Variants in TRAPPC9 observed in about 807,000 individuals in gnomAD.
TRAPPC9 encodes trafficking protein particle complex subunit 9.
A neutral mutation model predicts 124.0 loss-of-function variants in TRAPPC9; 83 were observed. That is an observed-to-expected ratio of 0.67 (90% CI 0.56 to 0.80). TRAPPC9 has a LOEUF of 0.80. TRAPPC9 is among the 30% of genes least tolerant of loss of function. The pLI is 0.00. For missense variants in TRAPPC9, 1,302 were observed against 1,508.3 expected (o/e 0.86, Z 2.27); for synonymous variants, 638 against 617.5 (o/e 1.03, Z -0.49).
intron 21 of TRAPPC9, among the ~76,000 whole-genome samples, chr8:139,741,283 T>C (rs1283821751): frequency 6.6e-6 from 1 of 152,186 alleles, no homozygotes; most frequent in Non-Finnish European, 1.5e-5. Flanking sequence ...CTCGCTGTCT[T>C]CCAGGCCCAG....
intron 19 of TRAPPC9, among the ~76,000 whole-genome samples, chr8:139,924,854 C>T (rs1487928552): frequency 6.6e-6 from 1 of 152,228 alleles, no homozygotes; most frequent in Non-Finnish European, 1.5e-5. Flanking sequence ...AGGCCTAGAA[C>T]TCAAGGGCTC....
intron 17 of TRAPPC9, among the ~76,000 whole-genome samples, chr8:140,057,808 G>A (rs1842374080): frequency 6.6e-6 from 1 of 152,154 alleles, no homozygotes; most frequent in Non-Finnish European, 1.5e-5. Flanking sequence ...AAAAAAATTT[G>A]TTAAAAACCA....
intron 10 of TRAPPC9, among the ~76,000 whole-genome samples, chr8:140,310,296 G>A (rs1037618211): frequency 6.6e-6 from 1 of 152,128 alleles, no homozygotes; most frequent in Admixed American, 6.5e-5. Context: ...GAGTCAAAGC[G>A]AGTACATGGC....
intron 9 of TRAPPC9, among the ~76,000 whole-genome samples, chr8:140,338,322 C>A (rs1024614742): frequency 6.6e-6 from 1 of 152,198 alleles, no homozygotes; most frequent in East Asian, 1.9e-4. Flanking sequence ...CATATGTGTC[C>A]GCTCCATTAC....
chr8:139,764,210 G>A (rs779705201), intron 21 of TRAPPC9, among the ~76,000 whole-genome samples: 1 of 152,174 alleles, frequency 6.6e-6, no homozygotes, highest in Non-Finnish European at 1.5e-5. Flanking sequence ...GGGTGTGCTC[G>A]AGAGAGCTAG....
At chr8:140,290,072 T>A (rs1433953586) in intron 12 of TRAPPC9, among the ~76,000 whole-genome samples, 7 of 152,064 alleles carry the variant, frequency 4.6e-5, no homozygotes, top group Admixed American at 4.6e-4. Context: ...CCAGGCAGAC[T>A]CCCGTCCACA....
At chr8:139,876,743 A>G (rs1379389096) in intron 21 of TRAPPC9, among the ~76,000 whole-genome samples, 1 of 152,178 alleles carries the variant, frequency 6.6e-6, no homozygotes, top group Non-Finnish European at 1.5e-5. Context: ...CCCTCTCCTT[A>G]CCAGCCCACC....
chr8:140,018,095 G>C (rs1026575882), intron 18 of TRAPPC9, among the ~76,000 whole-genome samples: 1 of 151,618 alleles, frequency 6.6e-6, no homozygotes, highest in Non-Finnish European at 1.5e-5. Flanking sequence ...CACCTGCCTC[G>C]GCCTCTCGAA....
In TRAPPC9 at chr8:140,174,114, AT is replaced by A. The variant is rs80214661; in HGVS notation, c.2556+47344del. ...GAAGGAAAAATGTTTAGCTTTGAGG[AT>A]TTTTTTTTAATTGAGATTTACACAT... is the stretch of plus-strand genomic sequence containing the variant. On this transcript the variant is annotated intron_variant, in intron 17 of 22. Coordinates refer to ENST00000438773, the MANE Select transcript of TRAPPC9 (RefSeq NM_001160372.4). Among the ~76,000 whole-genome samples, 389 of 151,838 alleles carry A rather than the reference AT, an allele frequency of 2.6e-3. 1 individual carries two copies. The highest frequency in any genetic ancestry group is 8.6e-3 in the African/African-American group (354 of 41,390).
chr8:140,154,621 T>A (rs1345533990), intron 17 of TRAPPC9, among the ~76,000 whole-genome samples: 1 of 152,158 alleles, frequency 6.6e-6, no homozygotes, highest in Non-Finnish European at 1.5e-5. Flanking sequence ...CACTAACGAT[T>A]ACTCATCCTT....
At chr8:139,830,090 T>C (rs1825875588) in intron 21 of TRAPPC9, among the ~76,000 whole-genome samples, 1 of 152,212 alleles carries the variant, frequency 6.6e-6, no homozygotes, top group Admixed American at 6.5e-5. Flanking sequence ...GAAACAGAAA[T>C]GCACCTACAG....
At chr8:139,756,653 G>T (rs1219833259) in intron 21 of TRAPPC9, among the ~76,000 whole-genome samples, 1 of 140,994 alleles carries the variant, frequency 7.1e-6, no homozygotes, top group Non-Finnish European at 1.5e-5. Flanking sequence ...CAGGTCGCAG[G>T]AGGAGCCAGG....
At chr8:140,154,272 T>A (rs2061594271) in intron 17 of TRAPPC9, among the ~76,000 whole-genome samples, 1 of 152,146 alleles carries the variant, frequency 6.6e-6, no homozygotes, top group Non-Finnish European at 1.5e-5. Flanking sequence ...CTTTTCTTCT[T>A]CCCAAGTGTC....
chr8:140,349,268 A>AAG (rs2067457363), intron 9 of TRAPPC9, among the ~76,000 whole-genome samples: 1 of 115,350 alleles, frequency 8.7e-6, no homozygotes, highest in Non-Finnish European at 1.8e-5. Flanking sequence ...AGGGGGGCCG[A>AAG]TGGGGGCGCA....
At chr8:140,286,511 C>T (rs577613340) in intron 13 of TRAPPC9, among the ~76,000 whole-genome samples, 6 of 152,124 alleles carry the variant, frequency 3.9e-5, no homozygotes, top group Admixed American at 2.6e-4. Context: ...TCTGCAAGAC[C>T]GGAAGGGGCA....
At chr8:139,994,394 C>G (rs1218336246) in intron 18 of TRAPPC9, among the ~76,000 whole-genome samples, 3 of 152,226 alleles carry the variant, frequency 2.0e-5, no homozygotes, top group Non-Finnish European at 2.9e-5. Context: ...CAAGCTTTCC[C>G]CCAGAGGGGT....
At chr8:139,934,044 G>A (rs527407699) in intron 19 of TRAPPC9, 4 of 152,176 alleles carry the variant, frequency 2.6e-5, no homozygotes, top group South Asian at 2.1e-4. Context: ...CTGCTACTAC[G>A]TTATAGAAAC....
intron 17 of TRAPPC9, among the ~76,000 whole-genome samples, chr8:140,067,327 T>C (rs747060538): frequency 6.6e-6 from 1 of 152,172 alleles, no homozygotes; most frequent in Non-Finnish European, 1.5e-5. Context: ...GTATTTTTAC[T>C]AGAGACAGGG....
intron 17 of TRAPPC9, among the ~76,000 whole-genome samples, chr8:140,191,930 CACTT>C (rs1004910023): frequency 5.3e-5 from 8 of 152,296 alleles, no homozygotes; most frequent in African/African-American, 1.9e-4. Flanking sequence ...ACTAACACAT[CACTT>C]ACTTACTTCT....
Sources: gnomAD v4.1 joint callset for allele counts (sites outside exome capture counted in the v4.1 genomes callset) on GRCh38, gnomAD v4.1.1 for gene constraint, MANE v1.5 for transcripts, NCBI Gene and HGNC (gene_info 2026-07-23, HGNC 2026-07-21) for gene names.